Variants in PPARGC1A observed in about 807,000 individuals in gnomAD.
The protein encoded by PPARGC1A is peroxisome proliferator-activated receptor gamma coactivator 1-alpha.
Under a neutral mutation model 88.7 loss-of-function variants are expected in PPARGC1A, and 25 were observed. That is an observed-to-expected ratio of 0.28 (90% CI 0.21 to 0.39). The LOEUF (loss-of-function observed/expected upper bound fraction) is 0.39. Among genes scored for constraint, PPARGC1A ranks in the 10% least tolerant of loss-of-function variants. PPARGC1A has a pLI of 1.00. For synonymous variants in PPARGC1A, 363 were observed against 355.6 expected (o/e 1.02, Z -0.24); for missense variants, 880 against 968.7 (o/e 0.91, Z 1.22).
At chr4:24,367,096 A>G in the PPARGC1A span, among the ~76,000 whole-genome samples, 6 of 152,348 alleles carry the variant, frequency 3.9e-5, no homozygotes, top group Admixed American at 2.0e-4. Context: ...CTCCTTTTGA[A>G]AAGCAATTGC....
the PPARGC1A span, among the ~76,000 whole-genome samples, chr4:23,951,837 C>G: frequency 6.6e-6 from 1 of 152,116 alleles, no homozygotes; most frequent in South Asian, 2.1e-4. Context: ...CAAGACGTTT[C>G]AGGAGTCTAA....
chr4:23,802,373 T>A (rs764529324), intron 10 of PPARGC1A, 28 bp from the exon 11 acceptor site: 2 of 1,613,308 alleles, frequency 1.2e-6, no homozygotes, highest in African/African-American at 2.7e-5. Flanking sequence ...GAGAGAGTTC[T>A]GGAGTGGGAA....
chr4:24,428,800 T>C, the PPARGC1A span, among the ~76,000 whole-genome samples: 1 of 152,234 alleles, frequency 6.6e-6, no homozygotes, highest in South Asian at 2.1e-4. Flanking sequence ...AAGCCCAACA[T>C]TCCCAGACTG....
chr4:23,920,783 C>T, the PPARGC1A span, among the ~76,000 whole-genome samples: 19 of 152,332 alleles, frequency 1.2e-4, no homozygotes, highest in Admixed American at 3.3e-4. Context: ...ACAGTGTCAG[C>T]GCTTGCCCTG....
the PPARGC1A span, among the ~76,000 whole-genome samples, chr4:24,370,545 TA>T: frequency 2.6e-5 from 4 of 152,098 alleles, no homozygotes; most frequent in Non-Finnish European, 5.9e-5. Context: ...ACCCTTAAGC[TA>T]TAACAATTTG....
the PPARGC1A span, among the ~76,000 whole-genome samples, chr4:24,408,658 C>CTAAAG: frequency 6.6e-6 from 1 of 152,182 alleles, no homozygotes; most frequent in Non-Finnish European, 1.5e-5. Context: ...ATGGAAAGAC[C>CTAAAG]ATCTGTGGGA....
the PPARGC1A span, among the ~76,000 whole-genome samples, chr4:24,387,848 GAA>G: frequency 8.6e-3 from 744 of 86,308 alleles, 27 homozygotes; most frequent in Non-Finnish European, 0.011. Context: ...AAGAGAGAGA[GAA>G]AGAGAGAAAG....
chr4:23,844,491 CATA>C (rs1300710513), intron 2 of PPARGC1A, among the ~76,000 whole-genome samples: 1 of 117,954 alleles, frequency 8.5e-6, no homozygotes, highest in East Asian at 2.3e-4. Context: ...TTATAATAAT[CATA>C]ATATATAATA....
At chr4:24,159,479 G>A in the PPARGC1A span, among the ~76,000 whole-genome samples, 2 of 152,006 alleles carry the variant, frequency 1.3e-5, no homozygotes, top group Non-Finnish European at 2.9e-5. Flanking sequence ...AAAGTGCTGG[G>A]ATTACAGGCG....
At chr4:24,071,113 C>T in the PPARGC1A span, among the ~76,000 whole-genome samples, 7 of 152,136 alleles carry the variant, frequency 4.6e-5, no homozygotes, top group Non-Finnish European at 1.0e-4. Context: ...ATTTATCAGC[C>T]TCTGTTAAAG....
At chr4:23,952,237 T>G in the PPARGC1A span, among the ~76,000 whole-genome samples, 1 of 152,064 alleles carries the variant, frequency 6.6e-6, no homozygotes, top group Non-Finnish European at 1.5e-5. Context: ...AGAAAACAGG[T>G]CACAATGATA....
the PPARGC1A span, among the ~76,000 whole-genome samples, chr4:24,324,086 A>G: frequency 1.3e-5 from 2 of 152,318 alleles, no homozygotes; most frequent in Non-Finnish European, 2.9e-5. Flanking sequence ...TAATCATTGC[A>G]GAGACGCCTC....
chr4:24,064,032 G>A, the PPARGC1A span, among the ~76,000 whole-genome samples: 3 of 152,106 alleles, frequency 2.0e-5, no homozygotes, highest in East Asian at 3.9e-4. Flanking sequence ...TTGGCCAGAC[G>A]CCCACATCTG....
At chr4:23,828,696 G>T in intron 4 of PPARGC1A, 92 bp from the exon 5 acceptor site, 1 of 1,153,404 alleles carries the variant, frequency 8.7e-7, no homozygotes, top group Non-Finnish European at 1.3e-6. Context: ...ATTTTTCAAT[G>T]AAGTGTTCAG....
At chr4:23,817,045 C>T (rs531837001) in intron 7 of PPARGC1A, among the ~76,000 whole-genome samples, 50 of 152,240 alleles carry the variant, frequency 3.3e-4, no homozygotes, top group Non-Finnish European at 6.5e-4. Flanking sequence ...AACCCCAGCC[C>T]TAGAGTGTCT....
chr4:24,295,316 G>A, the PPARGC1A span, among the ~76,000 whole-genome samples: 3 of 152,126 alleles, frequency 2.0e-5, no homozygotes, highest in Non-Finnish European at 4.4e-5. Flanking sequence ...TTGCTAAATA[G>A]GAGTTGTTTT....
At chr4:23,831,175 T>C (rs551721933) in intron 3 of PPARGC1A, among the ~76,000 whole-genome samples, 6 of 152,190 alleles carry the variant, frequency 3.9e-5, no homozygotes, top group African/African-American at 9.6e-5. Flanking sequence ...CATATGCTCA[T>C]GATATATCTT....
the PPARGC1A span, among the ~76,000 whole-genome samples, chr4:24,285,794 C>G: frequency 6.6e-6 from 1 of 152,106 alleles, no homozygotes; most frequent in African/African-American, 2.4e-5. Flanking sequence ...AACTTTTCTC[C>G]CTCATATATA....
chr4:24,327,670 AC>A, the PPARGC1A span, among the ~76,000 whole-genome samples: 1 of 150,974 alleles, frequency 6.6e-6, no homozygotes, highest in Non-Finnish European at 1.5e-5. Context: ...AATCTGTCCC[AC>A]TCTACGTTCC....
Sources: allele counts gnomAD v4.1 joint callset (sites outside exome capture counted in the v4.1 genomes callset), GRCh38; gene constraint gnomAD v4.1.1; transcripts MANE v1.5; gene names NCBI Gene and HGNC (gene_info 2026-07-23, HGNC 2026-07-21).